PRMT1: variants seen among roughly 807,000 people sequenced by gnomAD.
PRMT1 encodes protein arginine methyltransferase 1, also known as protein arginine N-methyltransferase 1.
In PRMT1, 5 loss-of-function variants were observed where a neutral mutation model predicts 47.4. That is an observed-to-expected ratio of 0.11 (90% CI 0.06 to 0.22). The LOEUF (loss-of-function observed/expected upper bound fraction) is 0.22, where lower values mean the gene tolerates loss of function less well. Ranked by LOEUF, PRMT1 falls within the 10% of genes least tolerant of loss-of-function variation. The probability of loss-of-function intolerance (pLI) is 1.00; values close to 1 mark genes in which losing one functional copy is unlikely to be tolerated. For missense variants in PRMT1, 249 were observed against 518.4 expected, an observed-to-expected ratio of 0.48 and a Z score of 5.05; for synonymous variants, 227 against 204.6, an observed-to-expected ratio of 1.11 and a Z score of -0.94.
Position 49,680,448 on chromosome 19 carries a change from C to G in PRMT1, c.91-39C>G. ...GGAGGTTTAAGAGGCTGTGGGGAGC[C>G]CCCAGATCTGACCCATGATCCCATC... On this transcript the variant is annotated intron_variant, in intron 2 of 10. Transcript: ENST00000454376. The surrounding 1 kb of genome is among the most constrained non-coding windows in gnomAD (Gnocchi z 4.2). 6.6e-7 allele frequency: 1 copy of G among 1,513,158 alleles called. No homozygotes were observed. Among genetic ancestry groups the G allele is most frequent in the South Asian group, 1.1e-5 (1 of 89,124 alleles). The allele number at this position is 1,513,158 out of a possible 1,614,324, so 93.7% of individuals were successfully genotyped here. A position where few individuals can be genotyped will look rare whatever the true frequency, so the allele number is the denominator to read the frequency against.
chr19:49,680,094 T>C lies in PRMT1; in HGVS notation c.90+169T>C. On this transcript the variant is annotated intron_variant, in intron 2 of 10. Transcript: ENST00000454376. This position sits in a 1 kb window ranked among gnomAD's most constrained non-coding sequence, Gnocchi z 4.2. ...ACCCCTCCAGGTTCACAGCCCCCGC[T>C]GGCCTCCCCCAGTATCGCCGCTACT... 1 of 1,080,678 alleles carries C rather than the reference T, an allele frequency of 9.3e-7. No individual in the cohort carries two copies. Among genetic ancestry groups the C allele is most frequent in the Non-Finnish European group, 1.4e-6 (1 of 725,394 alleles). The allele number at this position is 1,080,678 out of a possible 1,614,324, so 66.9% of individuals were successfully genotyped here. A position where few individuals can be genotyped will look rare whatever the true frequency, so the allele number is the denominator to read the frequency against.
Position 49,688,040 on chromosome 19 carries a change from T to C in PRMT1, c.1033-122T>C. 3 of 886,768 alleles carry C rather than the reference T, an allele frequency of 3.4e-6. No individual in the cohort carries two copies. In the South Asian group the frequency reaches 4.1e-5, roughly 12 times the overall value. The allele number at this position is 886,768 out of a possible 1,614,324, so 54.9% of individuals were successfully genotyped here. On this transcript the variant is annotated intron_variant, in intron 10 of 10. Transcript: ENST00000454376. This position sits in a 1 kb window ranked among gnomAD's most constrained non-coding sequence, Gnocchi z 5.3. ...GCTAGGGTGGGACCAGCAGTTGGGG[T>C]CTGCAGCGTGGAGATGGGCAGGAAG...
At position 49,685,945 on chromosome 19, in the gene PRMT1, AAGG is replaced by A; in HGVS notation, c.760-142_760-140del. ...AGCCGGATAGGCAGGATGCAGAGTG[AAGG>A]AGGAGCCGAGGCTGGGTGCCAGTGA... On this transcript the variant is annotated intron_variant, in intron 8 of 10. Coordinates refer to ENST00000454376, the MANE Select transcript of PRMT1 (RefSeq NM_001536.6). The surrounding 1 kb of genome is among the most constrained non-coding windows in gnomAD (Gnocchi z 4.7). The A allele has an allele frequency of 6.9e-7, 1 of 1,454,918 alleles. No individual in the cohort carries two copies. Among genetic ancestry groups the A allele is most frequent in the Non-Finnish European group, 9.0e-7 (1 of 1,110,586 alleles). The allele number at this position is 1,454,918 out of a possible 1,614,324, so 90.1% of individuals were successfully genotyped here.
At position 49,685,337 on chromosome 19, in the gene PRMT1, A is replaced by C; in HGVS notation, c.759+300A>C. ...GGCAGGACCCCAGGGCGATGAGCGG[A>C]TGCACATGCACGCGGGCCACTGCAG... On this transcript the variant is annotated intron_variant, in intron 8 of 10. Coordinates refer to ENST00000454376, the MANE Select transcript of PRMT1 (RefSeq NM_001536.6). This position sits in a 1 kb window ranked among gnomAD's most constrained non-coding sequence, Gnocchi z 4.7. 1 of 1,314,134 alleles carries C rather than the reference A, an allele frequency of 7.6e-7. No homozygotes were observed. The highest frequency in any genetic ancestry group is 9.8e-7 in the Non-Finnish European group (1 of 1,021,998). 81.4% of individuals were successfully genotyped at this position (1,314,134 alleles called of 1,614,324 possible).
Position 49,685,091 on chromosome 19 carries a change from A to G in PRMT1, c.759+54A>G. Reference sequence around the variant, plus strand: ...CCTGGGTTGAAACCAAAGAGAGGCCATCACCTGGCCCTGGCATGGGACTTT... The same window carrying G: ...CCTGGGTTGAAACCAAAGAGAGGCCGTCACCTGGCCCTGGCATGGGACTTT... On this transcript the variant is annotated intron_variant, in intron 8 of 10. Coordinates refer to ENST00000454376, the MANE Select transcript of PRMT1 (RefSeq NM_001536.6). The surrounding 1 kb of genome is among the most constrained non-coding windows in gnomAD (Gnocchi z 4.7). 1 of 1,611,952 alleles carries G rather than the reference A, an allele frequency of 6.2e-7. No individual in the cohort carries two copies. The highest frequency in any genetic ancestry group is 1.1e-5 in the South Asian group (1 of 90,828).
At chr19:49,686,273 G>A (rs1306137605) in intron 9 of PRMT1, 30 bp downstream of exon 9, 9 of 1,562,398 alleles carry the variant, frequency 5.8e-6, no homozygotes, top group Middle Eastern at 1.7e-4. Flanking sequence ...GCTGGGGGCC[G>A]TTCCCGAGCC....
Position 49,685,144 on chromosome 19 carries a change from C to CA in PRMT1, c.759+108dup. 1 of 1,568,446 alleles carries CA rather than the reference C, an allele frequency of 6.4e-7. No individual in the cohort carries two copies. The highest frequency in any genetic ancestry group is 8.6e-7 in the Non-Finnish European group (1 of 1,157,292). ...GGCCCAGAATGTTGGCCTGAGGTCT[C>CA]AGAGCCTGATCTGCCAGCCAGAGGT... On this transcript the variant is annotated intron_variant, in intron 8 of 10. Coordinates refer to ENST00000454376, the MANE Select transcript of PRMT1 (RefSeq NM_001536.6). This position sits in a 1 kb window ranked among gnomAD's most constrained non-coding sequence, Gnocchi z 4.7.
chr19:49,686,004 T>C, intron 8 of PRMT1, 89 bp from the exon 9 acceptor site: 3 of 1,534,884 alleles, frequency 2.0e-6, no homozygotes, highest in Non-Finnish European at 8.7e-7. Flanking sequence ...GACAGCGAGG[T>C]CACAGGCCCT....
intron 1 of PRMT1, chr19:49,679,630 T>A (rs756478358): frequency 3.2e-4 from 225 of 697,022 alleles, no homozygotes; most frequent in Middle Eastern, 2.3e-4. Context: ...AGGGGCAGCG[T>A]GGGGGTGGGC....
chr19:49,681,106 T>C lies in PRMT1; in HGVS notation c.192+518T>C, dbSNP rs976415284. ...GCTCTGTCGCCCAGGCTAGAGTGCA[T>C]TGGTGCAATCATGGCTCACTGCAGC... is the stretch of plus-strand genomic sequence containing the variant. On this transcript the variant is annotated intron_variant, in intron 3 of 10. Coordinates refer to ENST00000454376, the MANE Select transcript of PRMT1 (RefSeq NM_001536.6). The surrounding 1 kb of genome is among the most constrained non-coding windows in gnomAD (Gnocchi z 4.4). Among the ~76,000 whole-genome samples, 2 of 152,202 alleles carry C rather than the reference T, an allele frequency of 1.3e-5. No individual in the cohort carries two copies. Among genetic ancestry groups the C allele is most frequent in the Admixed American group, 6.5e-5 (1 of 15,276 alleles).
In PRMT1 at chr19:49,680,567, C is replaced by T. The variant is rs1407962473; in HGVS notation, c.171C>T (p.Tyr57=). ...CCAAAGATTACTACTTTGACTCCTACGCACACTTTGGCATCCACGAGGTCA... is the reference window on the plus strand; with the variant it reads ...CCAAAGATTACTACTTTGACTCCTATGCACACTTTGGCATCCACGAGGTCA... ...MTSKDYYFDS[Y]AHFGIHEEML... is the part of the protein sequence containing the mutation. The change falls in exon 3 of 11, where the codon TAC becomes TAT. Residue 57 remains tyrosine (Y), a synonymous_variant. Coordinates refer to ENST00000454376, the MANE Select transcript of PRMT1 (RefSeq NM_001536.6). The surrounding 1 kb of genome is among the most constrained non-coding windows in gnomAD (Gnocchi z 4.2). The T allele has an allele frequency of 6.2e-6, 10 of 1,613,594 alleles. No individual in the cohort carries two copies. In the Admixed American group the frequency reaches 1.0e-4, roughly 16 times the overall value.
intron 10 of PRMT1, among the ~76,000 whole-genome samples, chr19:49,687,150 G>T (rs963557787): frequency 6.6e-6 from 1 of 152,152 alleles, no homozygotes; most frequent in Non-Finnish European, 1.5e-5. Context: ...TTCTAGCCCA[G>T]CTGGGAGGCA....
rs775439601 is a variant in PRMT1, at chr19:49,679,576, C to T, written c.37-296C>T. 5.9e-6 allele frequency: 4 copies of T among 677,160 alleles called. No homozygotes were observed. The East Asian group carries it at 8.5e-5, about 14-fold the overall frequency. The allele number at this position is 677,160 out of a possible 1,614,324, so 41.9% of individuals were successfully genotyped here. On this transcript the variant is annotated intron_variant, in intron 1 of 10. Coordinates refer to ENST00000454376, the MANE Select transcript of PRMT1 (RefSeq NM_001536.6). ...CTGGCGGTGGTGGGTGCCAATTCCCCTGGCCTGGATGGGGGAGGTGTGTGG... is the reference window on the plus strand; with the variant it reads ...CTGGCGGTGGTGGGTGCCAATTCCCTTGGCCTGGATGGGGGAGGTGTGTGG...
At position 49,686,623 on chromosome 19, in the gene PRMT1, C is replaced by T. The variant is rs1365361537; in HGVS notation, c.929C>T (p.Thr310Met). The T allele has an allele frequency of 1.9e-6, 3 of 1,611,544 alleles. No homozygotes were observed. Among genetic ancestry groups the T allele is most frequent in the Admixed American group, 1.7e-5 (1 of 59,954 alleles). The change falls in exon 10 of 11, where the codon ACG (threonine) becomes ATG (methionine). Residue 310 changes from threonine (T) to methionine (M), a missense_variant. Physicochemically the swap from Thr to Met is moderately conservative, Grantham distance 81. Transcript: ENST00000454376. ...GFSTSPESPY[T>M]HWKQTVFYME... The stretch of plus-strand genomic sequence containing the variant: ...CCCCCAGGCCCCGAGTCCCCGTACA[C>T]GCACTGGAAGCAGACGGTGTTCTAC...
At chr19:49,676,948 G>A (rs763811611), upstream of PRMT1, 6 of 294,632 alleles carry the variant, frequency 2.0e-5, no homozygotes, top group Non-Finnish European at 3.1e-5. Context: ...GCTTTGAGGC[G>A]GTGCTGGGTG....
chr19:49,680,258 C>T lies in PRMT1; in HGVS notation c.91-229C>T, dbSNP rs573412530. 9 of 1,553,786 alleles carry T rather than the reference C, an allele frequency of 5.8e-6. No individual in the cohort carries two copies. Among genetic ancestry groups the T allele is most frequent in the South Asian group, 5.6e-5 (5 of 88,938 alleles). On this transcript the variant is annotated intron_variant, in intron 2 of 10. Transcript: ENST00000454376. This position sits in a 1 kb window ranked among gnomAD's most constrained non-coding sequence, Gnocchi z 4.2. ...GAGATGGTAGGCGTGGCTGAGGTAT[C>T]GGGGTGCTCCCCTGGATGGTGCTCT...
chr19:49,686,357 C>A, intron 9 of PRMT1, 114 bp downstream of exon 9: 1 of 1,384,384 alleles, frequency 7.2e-7, no homozygotes, highest in South Asian at 1.5e-5. Context: ...CACGCGTGTT[C>A]CAGTGTGAGC....
intron 1 of PRMT1, chr19:49,677,690 G>C (rs1369790902): frequency 5.6e-6 from 1 of 178,258 alleles, no homozygotes; most frequent in African/African-American, 2.4e-5. Context: ...GGGCGCCCAG[G>C]GGGGCGGGGA....
At position 49,686,239 on chromosome 19, in the gene PRMT1, C is replaced by T; in HGVS notation, c.906C>T (p.Ser302=). 3 of 1,599,426 alleles carry T rather than the reference C, an allele frequency of 1.9e-6. No individual in the cohort carries two copies. Among genetic ancestry groups the T allele is most frequent in the Non-Finnish European group, 2.6e-6 (3 of 1,173,268 alleles). Reference sequence around the variant, plus strand: ...GCTGCCACAAGAGGACCGGCTTCTCCACCAGTGAGGCGGGGCCCACAGGGC... The same window carrying T: ...GCTGCCACAAGAGGACCGGCTTCTCTACCAGTGAGGCGGGGCCCACAGGGC... ...FTRCHKRTGF[S]TSPESPYTHW... The change falls in exon 9 of 11, where the codon TCC becomes TCT. Residue 302 remains serine, a synonymous_variant. Transcript: ENST00000454376.
Sources: gnomAD v4.1 joint callset for allele counts (sites outside exome capture counted in the v4.1 genomes callset) on GRCh38, gnomAD v4.1.1 for gene constraint, Gnocchi (gnomAD v3.1) non-coding constraint, MANE v1.5 for transcripts, NCBI Gene and HGNC (gene_info 2026-07-23, HGNC 2026-07-21) for gene names.